TMEM266: variants seen among roughly 807,000 people sequenced by gnomAD.
TMEM266 encodes the protein Hv1 related protein 1.
Under a neutral mutation model 50.5 loss-of-function variants are expected in TMEM266, and 33 were observed. The observed-to-expected ratio is 0.65, with a 90% CI of 0.50 to 0.87. TMEM266 has a LOEUF of 0.87. TMEM266 is among the 40% of genes least tolerant of loss of function. The pLI is 0.00. For missense variants in TMEM266, 655 were observed against 695.1 expected (o/e 0.94, Z 0.65); for synonymous variants, 310 against 292.3 (o/e 1.06, Z -0.62).
intron 7 of TMEM266, among the ~76,000 whole-genome samples, chr15:76,173,939 A>T (rs1277163464): frequency 6.7e-6 from 1 of 149,318 alleles, no homozygotes; most frequent in South Asian, 2.1e-4. Flanking sequence ...TCTCAAAAAA[A>T]AATAAAAAAA....
chr15:76,194,689 T>C (rs2469565), intron 9 of TMEM266, among the ~76,000 whole-genome samples: 76,982 of 151,968 alleles, frequency 0.51, 19,809 homozygotes, highest in South Asian at 0.63. Context: ...TGGCAATCCT[T>C]GGCATCCATG....
chr15:76,129,369 C>T (rs1447012968), intron 1 of TMEM266, among the ~76,000 whole-genome samples: 1 of 152,132 alleles, frequency 6.6e-6, no homozygotes, highest in Non-Finnish European at 1.5e-5. Flanking sequence ...AGGCCAGGTG[C>T]ATTGGCTCAC....
intron 9 of TMEM266, among the ~76,000 whole-genome samples, chr15:76,199,687 CT>C (rs1157792234): frequency 2.0e-5 from 3 of 152,144 alleles, no homozygotes; most frequent in Non-Finnish European, 2.9e-5. Context: ...TAATCACGGC[CT>C]TTTAGCACAG....
intron 1 of TMEM266, among the ~76,000 whole-genome samples, chr15:76,097,997 G>A (rs902887628): frequency 1.8e-4 from 28 of 151,984 alleles, no homozygotes; most frequent in Admixed American, 5.9e-4. Context: ...TTAGGAATTC[G>A]TCTAACCTTT....
In TMEM266 at chr15:76,171,115, G is replaced by T; in HGVS notation, c.636G>T (p.Val212=). ...TCATCATGCTCCGGATCTGGAGGGT[G>T]AAGAGGGTCATTGATGGTGAGTGGC... is the stretch of plus-strand genomic sequence containing the variant. The part of the protein sequence containing the change: ...WRVKRVIDAY[V]LPVKLEMEMV... Residue 212 remains valine, a synonymous_variant, in exon 7 of 11, where the codon GTG becomes GTT. Transcript: ENST00000388942. 6.2e-7 allele frequency: 1 copy of T among 1,613,808 alleles called. No homozygotes were observed. Among genetic ancestry groups the T allele is most frequent in the East Asian group, 2.2e-5 (1 of 44,870 alleles).
chr15:76,175,824 A>C, intron 8 of TMEM266, 150 bp downstream of exon 8: 1 of 606,304 alleles, frequency 1.6e-6, no homozygotes, highest in South Asian at 1.9e-5. Flanking sequence ...TGAAGCCCAG[A>C]GAAGGGGACA....
chr15:76,137,310 C>T (rs1343294108), intron 2 of TMEM266, among the ~76,000 whole-genome samples: 12 of 152,164 alleles, frequency 7.9e-5, no homozygotes, highest in Admixed American at 6.5e-5. Flanking sequence ...CAAAGAAACT[C>T]AGGAGACAAC....
chr15:76,080,461 A>T (rs1027950112), intron 1 of TMEM266, among the ~76,000 whole-genome samples: 30 of 150,886 alleles, frequency 2.0e-4, no homozygotes, highest in Middle Eastern at 3.4e-3. Context: ...TATGTTGGTC[A>T]GGTGGTCTCG....
intron 9 of TMEM266, among the ~76,000 whole-genome samples, chr15:76,193,645 C>A (rs1458318089): frequency 6.6e-6 from 1 of 152,206 alleles, no homozygotes; most frequent in African/African-American, 2.4e-5. Context: ...GCCATGCAGC[C>A]TCAGCTCGCC....
chr15:76,176,142 C>G (rs529366086), intron 8 of TMEM266: 1 of 158,628 alleles, frequency 6.3e-6, no homozygotes, highest in South Asian at 1.9e-4. Flanking sequence ...CTCAGAGAGG[C>G]AGGTGGTGGG....
At chr15:76,073,497 T>G (rs2141985588) in intron 1 of TMEM266, among the ~76,000 whole-genome samples, 1 of 152,296 alleles carries the variant, frequency 6.6e-6, no homozygotes, top group East Asian at 1.9e-4. Context: ...CCTCCCAAAC[T>G]GCTGGGATTA....
chr15:76,117,775 G>A (rs1272511717), intron 1 of TMEM266, among the ~76,000 whole-genome samples: 3 of 152,150 alleles, frequency 2.0e-5, no homozygotes, highest in African/African-American at 7.2e-5. Context: ...AGACTGGAAC[G>A]AACTGATGCC....
chr15:76,114,177 T>A (rs1368439718), intron 1 of TMEM266: 1 of 152,176 alleles, frequency 6.6e-6, no homozygotes, highest in Non-Finnish European at 1.5e-5. Context: ...AATCCCACCA[T>A]CCATTAAATA....
intron 3 of TMEM266, among the ~76,000 whole-genome samples, chr15:76,142,820 C>T (rs986371911): frequency 6.6e-6 from 1 of 152,210 alleles, no homozygotes; most frequent in Admixed American, 6.5e-5. Context: ...CTCCTCTCTT[C>T]ACCTCTGCAC....
At chr15:76,200,120 G>A (rs2038722056) in intron 9 of TMEM266, among the ~76,000 whole-genome samples, 1 of 152,262 alleles carries the variant, frequency 6.6e-6, no homozygotes, top group East Asian at 1.9e-4. Context: ...ATGGCAGAGG[G>A]TGGGCTCACT....
intron 1 of TMEM266, among the ~76,000 whole-genome samples, chr15:76,091,421 A>G (rs1050709246): frequency 3.9e-5 from 6 of 151,966 alleles, no homozygotes; most frequent in South Asian, 2.1e-4. Context: ...GTGGTGGCCC[A>G]TGCTTGTAAT....
intron 9 of TMEM266, among the ~76,000 whole-genome samples, chr15:76,196,770 C>T (rs142107046): frequency 3.4e-4 from 52 of 152,300 alleles, no homozygotes; most frequent in African/African-American, 1.1e-3. Context: ...AGCAGCTCCA[C>T]AATCTCAACA....
chr15:76,120,050 A>C (rs1035304108), intron 1 of TMEM266, among the ~76,000 whole-genome samples: 1 of 152,180 alleles, frequency 6.6e-6, no homozygotes, highest in South Asian at 2.1e-4. Flanking sequence ...TGAATTGTTA[A>C]AGCCCTTTAC....
intron 1 of TMEM266, among the ~76,000 whole-genome samples, chr15:76,066,692 C>T (rs2036428024): frequency 6.6e-6 from 1 of 151,674 alleles, no homozygotes; most frequent in South Asian, 2.1e-4. Context: ...GTTGGCCTGG[C>T]AAAGACAGCC....
Sources: allele counts gnomAD v4.1 joint callset (sites outside exome capture counted in the v4.1 genomes callset), GRCh38; gene constraint gnomAD v4.1.1; transcripts MANE v1.5; gene names NCBI Gene and HGNC (gene_info 2026-07-23, HGNC 2026-07-21).